Variants in GRIK4 observed in about 807,000 individuals in gnomAD.
GRIK4 encodes glutamate ionotropic receptor kainate type subunit 4, also known as glutamate receptor ionotropic, kainate 4.
In GRIK4, 40 loss-of-function variants were observed where a neutral mutation model predicts 104.9. The observed-to-expected ratio is 0.38, with a 90% CI of 0.30 to 0.50. The LOEUF (loss-of-function observed/expected upper bound fraction) is 0.50, where lower values mean the gene tolerates loss of function less well. Ranked by LOEUF, GRIK4 falls within the 20% of genes least tolerant of loss-of-function variation. The probability of loss-of-function intolerance (pLI) is 0.93; values close to 1 mark genes in which losing one functional copy is unlikely to be tolerated. For missense variants in GRIK4, 1,047 were observed against 1,308.1 expected (o/e 0.80, Z 3.08); for synonymous variants, 485 against 524.9 (o/e 0.92, Z 1.04).
chr11:120,808,894 C>T (rs780170509), intron 4 of GRIK4, among the ~76,000 whole-genome samples: 2 of 152,178 alleles, frequency 1.3e-5, no homozygotes, highest in Non-Finnish European at 2.9e-5. Context: ...GTGCACATCT[C>T]TGTGAGCCCC....
At chr11:120,930,364 G>C (rs1244646947) in intron 13 of GRIK4, among the ~76,000 whole-genome samples, 1 of 152,230 alleles carries the variant, frequency 6.6e-6, no homozygotes, top group Non-Finnish European at 1.5e-5. Context: ...GTAATAGTAA[G>C]AGCTAACATT....
At chr11:120,594,173 T>C (rs1948771053) in intron 1 of GRIK4, among the ~76,000 whole-genome samples, 1 of 152,272 alleles carries the variant, frequency 6.6e-6, no homozygotes, top group Non-Finnish European at 1.5e-5. Flanking sequence ...CAGTAGCTAT[T>C]CATTACCCTT....
chr11:120,535,328 TG>T (rs1173774092), intron 1 of GRIK4, among the ~76,000 whole-genome samples: 1 of 112,620 alleles, frequency 8.9e-6, no homozygotes, highest in African/African-American at 3.6e-5. Flanking sequence ...GGGGAGGGCT[TG>T]GGGGCCTTGG....
intron 4 of GRIK4, among the ~76,000 whole-genome samples, chr11:120,805,088 G>A (rs1952687841): frequency 6.6e-6 from 1 of 152,214 alleles, no homozygotes; most frequent in Non-Finnish European, 1.5e-5. Flanking sequence ...GCACAGACAA[G>A]AATCCTAGTT....
chr11:120,819,598 C>T lies in GRIK4; in HGVS notation c.346-157C>T, dbSNP rs986536851. ...GATGTCATCGCTCGTCTTCCTCCCACGGAGTGGGTGCCCTGGGAGCTCCTT... is the reference window on the plus strand; with the variant it reads ...GATGTCATCGCTCGTCTTCCTCCCATGGAGTGGGTGCCCTGGGAGCTCCTT... On this transcript the variant is annotated intron_variant, in intron 5 of 20. Transcript: ENST00000527524. The surrounding 1 kb of genome is among the most constrained non-coding windows in gnomAD (Gnocchi z 4.3). Among the ~76,000 whole-genome samples, 2 of 152,186 alleles carry T rather than the reference C, an allele frequency of 1.3e-5. No homozygotes were observed. The highest frequency in any genetic ancestry group is 2.9e-5 in the Non-Finnish European group (2 of 68,040).
intron 16 of GRIK4, among the ~76,000 whole-genome samples, chr11:120,957,326 A>T (rs1397070819): frequency 2.6e-5 from 4 of 152,232 alleles, no homozygotes; most frequent in African/African-American, 4.8e-5. Flanking sequence ...GCTGGCAGGA[A>T]GTCCCTGCAG....
At chr11:120,606,282 G>T (rs2135139357) in intron 1 of GRIK4, among the ~76,000 whole-genome samples, 1 of 152,240 alleles carries the variant, frequency 6.6e-6, no homozygotes, top group East Asian at 1.9e-4. Context: ...CCCCTCCTCT[G>T]CAGACCCACG....
At chr11:120,547,794 G>A (rs116681110) in intron 1 of GRIK4, among the ~76,000 whole-genome samples, 70 of 152,246 alleles carry the variant, frequency 4.6e-4, no homozygotes, top group African/African-American at 1.6e-3. Flanking sequence ...CTGAAATCTG[G>A]GTTTAATGTG....
chr11:120,841,602 C>T (rs1953718312), intron 8 of GRIK4, among the ~76,000 whole-genome samples: 1 of 152,088 alleles, frequency 6.6e-6, no homozygotes, highest in Admixed American at 6.5e-5. Context: ...TGTTCAAGTC[C>T]CTGCTTTCAA....
rs1478460835 is a variant in GRIK4 at position 120,988,045 on chromosome 11, A to G, written c.*1785A>G. ...GACGAGCTTAATTCATGTTTTTGCC[A>G]TTTGGGTTGGTCGGCATCCTCTTTA... On this transcript the variant is annotated 3_prime_UTR_variant, in exon 21 of 21. Coordinates refer to ENST00000527524, the MANE Select transcript of GRIK4 (RefSeq NM_014619.5). 1 of 152,214 alleles carries G rather than the reference A, an allele frequency of 6.6e-6. No homozygotes were observed. Among genetic ancestry groups the G allele is most frequent in the Non-Finnish European group, 1.5e-5 (1 of 68,028 alleles). The allele number at this position is 152,214 out of a possible 1,614,324, so 9.4% of individuals were successfully genotyped here. A position where few individuals can be genotyped will look rare whatever the true frequency, so the allele number is the denominator to read the frequency against.
At chr11:120,746,389 A>AT (rs982178624) in intron 3 of GRIK4, among the ~76,000 whole-genome samples, 1 of 152,104 alleles carries the variant, frequency 6.6e-6, no homozygotes, top group African/African-American at 2.4e-5. Context: ...AGCTCTGCTG[A>AT]TTTTTTAGAT....
intron 11 of GRIK4, among the ~76,000 whole-genome samples, chr11:120,887,832 A>G (rs1394400146): frequency 6.6e-6 from 1 of 152,200 alleles, no homozygotes; most frequent in Non-Finnish European, 1.5e-5. Flanking sequence ...CACTATGCAC[A>G]AGTCTGTGAT....
chr11:120,967,412 T>C lies in GRIK4; in HGVS notation c.2395+89T>C. The C allele has an allele frequency of 5.0e-6, 7 of 1,395,912 alleles. No homozygotes were observed. The highest frequency in any genetic ancestry group is 1.4e-5 in the South Asian group (1 of 70,900). 86.5% of individuals were successfully genotyped at this position (1,395,912 alleles called of 1,614,324 possible). ...TCAAATTCCAGGTACACATAATGACTTGTAGGACCCATTGAGAACGGCCTT... is the reference window on the plus strand; with the variant it reads ...TCAAATTCCAGGTACACATAATGACCTGTAGGACCCATTGAGAACGGCCTT... On this transcript the variant is annotated intron_variant, in intron 19 of 20. Coordinates refer to ENST00000527524, the MANE Select transcript of GRIK4 (RefSeq NM_014619.5). This position sits in a 1 kb window ranked among gnomAD's most constrained non-coding sequence, Gnocchi z 4.2.
At chr11:120,538,408 G>T (rs1321866368) in intron 1 of GRIK4, among the ~76,000 whole-genome samples, 1 of 152,144 alleles carries the variant, frequency 6.6e-6, no homozygotes, top group African/African-American at 2.4e-5. Flanking sequence ...CTCCCCAGGG[G>T]GTGTACATTG....
At chr11:120,669,291 C>T (rs10437693) in intron 3 of GRIK4, among the ~76,000 whole-genome samples, 12,009 of 152,224 alleles carry the variant, frequency 0.079, 1,256 homozygotes, top group African/African-American at 0.24. Context: ...GGAGAGAGCT[C>T]TGTCTTTCCT....
chr11:120,661,746 C>T (rs1293487392), intron 3 of GRIK4, among the ~76,000 whole-genome samples: 1 of 152,104 alleles, frequency 6.6e-6, no homozygotes, highest in Non-Finnish European at 1.5e-5. Context: ...CATGCAAATG[C>T]AGAGGAGCTG....
intron 19 of GRIK4, among the ~76,000 whole-genome samples, chr11:120,970,920 G>A (rs1944464350): frequency 6.6e-6 from 1 of 152,128 alleles, no homozygotes; most frequent in Admixed American, 6.5e-5. Context: ...CTCCATAGAT[G>A]CCCTTGTGAT....
Position 120,952,990 on chromosome 11 carries a change from C to A in GRIK4, c.1700+26C>A. On this transcript the variant is annotated intron_variant, in intron 15 of 20. Transcript: ENST00000527524. The surrounding 1 kb of genome is among the most constrained non-coding windows in gnomAD (Gnocchi z 5.2). ...GTACTCTCCTCTTCCCTTCCCTGTC[C>A]TTACACCGCCACCTCGTGTCCACCT... The A allele has an allele frequency of 6.9e-7, 1 of 1,439,350 alleles. No homozygotes were observed. The highest frequency in any genetic ancestry group is 9.8e-7 in the Non-Finnish European group (1 of 1,021,790). The allele number at this position is 1,439,350 out of a possible 1,614,324, so 89.2% of individuals were successfully genotyped here. A position where few individuals can be genotyped will look rare whatever the true frequency, so the allele number is the denominator to read the frequency against.
chr11:120,858,770 C>T (rs1215097712), intron 8 of GRIK4, among the ~76,000 whole-genome samples: 1 of 152,024 alleles, frequency 6.6e-6, no homozygotes, highest in Admixed American at 6.6e-5. Context: ...TCAGTTATTT[C>T]CCATATTCTT....
Sources: gnomAD v4.1 joint callset for allele counts (sites outside exome capture counted in the v4.1 genomes callset) on GRCh38, gnomAD v4.1.1 for gene constraint, Gnocchi (gnomAD v3.1) non-coding constraint, MANE v1.5 for transcripts, NCBI Gene and HGNC (gene_info 2026-07-23, HGNC 2026-07-21) for gene names.